The following NCKAP5 variants were observed in gnomAD, a reference collection of about 807,000 sequenced individuals.
NCKAP5 encodes NCK associated protein 5, also known as nck-associated protein 5.
Under a neutral mutation model 167.0 loss-of-function variants are expected in NCKAP5, and 92 were observed. The ratio of observed to expected loss-of-function variants is 0.55; its 90% CI spans 0.47 to 0.66. The LOEUF is 0.66. Among genes scored for constraint, NCKAP5 ranks in the 30% least tolerant of loss-of-function variants. NCKAP5 has a pLI of 0.00. For missense variants in NCKAP5, 2,378 were observed against 2,315.0 expected (o/e 1.03, Z -0.56); for synonymous variants, 891 against 877.4 (o/e 1.02, Z -0.27).
chr2:133,164,049 A>T (rs2083904849), intron 5 of NCKAP5, among the ~76,000 whole-genome samples: 1 of 152,218 alleles, frequency 6.6e-6, no homozygotes, highest in Admixed American at 6.5e-5. Flanking sequence ...AGACAATATA[A>T]AGGAAGTGAG....
At chr2:133,672,748 G>A in the NCKAP5 span, among the ~76,000 whole-genome samples, 4 of 152,158 alleles carry the variant, frequency 2.6e-5, no homozygotes, top group Non-Finnish European at 4.4e-5. Context: ...AAAAACACAT[G>A]GTGGCAGATT....
the NCKAP5 span, among the ~76,000 whole-genome samples, chr2:133,617,727 C>T: frequency 6.6e-6 from 1 of 151,672 alleles, no homozygotes; most frequent in Non-Finnish European, 1.5e-5. Context: ...GGCCATACTG[C>T]CCAAGGTAAT....
At position 133,028,689 on chromosome 2, in the gene NCKAP5, A is replaced by T. The variant is rs530083791; in HGVS notation, c.342-34450T>A. Among the ~76,000 whole-genome samples, 4 of 152,272 alleles carry T rather than the reference A, an allele frequency of 2.6e-5. No individual in the cohort carries two copies. In the South Asian group the frequency reaches 8.3e-4, roughly 32 times the overall value. ...CAAAACCTTTTTAATTTCTTTTTAG[A>T]TTTTGATATAGTTTAGATATGTGTC... On this transcript the variant is annotated intron_variant, in intron 6 of 19. Coordinates refer to ENST00000409261, the MANE Select transcript of NCKAP5 (RefSeq NM_207363.3).
chr2:133,426,848 G>A (rs1360943544), intron 3 of NCKAP5, among the ~76,000 whole-genome samples: 1 of 152,114 alleles, frequency 6.6e-6, no homozygotes, highest in East Asian at 1.9e-4. Context: ...TTTTTTTTCT[G>A]TAAATCTCAA....
chr2:133,660,010 C>A, the NCKAP5 span, among the ~76,000 whole-genome samples: 1 of 152,094 alleles, frequency 6.6e-6, no homozygotes, highest in Admixed American at 6.6e-5. Flanking sequence ...GATAGCACGA[C>A]CAATGGAAGG....
Position 132,785,003 on chromosome 2 carries a change from T to A in NCKAP5, c.1808A>T (p.Asp603Val). 6.2e-7 allele frequency: 1 copy of A among 1,613,974 alleles called. No homozygotes were observed. Among genetic ancestry groups the A allele is most frequent in the African/African-American group, 1.3e-5 (1 of 75,050 alleles). The part of the protein sequence containing the change: ...IESSDEKSPS[D>V]VSLAADTDKS... ...ATCGGTGTCGGCAGCCAATGACACG[T>A]CTGAAGGACTTTTCTCATCACTGCT... Residue 603 changes from aspartate (D) to valine (V), a missense_variant, in exon 14 of 20, where the codon GAC (aspartate) becomes GTC (valine). This residue lies in a region of NCKAP5 where 1,049 missense variants were observed against 1,023.4 expected (regional missense o/e 1.02). Coordinates refer to ENST00000409261, the MANE Select transcript of NCKAP5 (RefSeq NM_207363.3).
chr2:132,847,073 G>A (rs1369145828), intron 11 of NCKAP5, among the ~76,000 whole-genome samples: 2 of 152,050 alleles, frequency 1.3e-5, no homozygotes, highest in African/African-American at 2.4e-5. Flanking sequence ...AGTAGGAAAT[G>A]GGCCATATTT....
intron 11 of NCKAP5, among the ~76,000 whole-genome samples, chr2:132,805,043 T>C (rs1427782954): frequency 6.6e-6 from 1 of 152,130 alleles, no homozygotes; most frequent in Non-Finnish European, 1.5e-5. Flanking sequence ...AAATTAATTA[T>C]GTTGCCTTGG....
At chr2:133,180,923 T>C (rs1184588657) in intron 5 of NCKAP5, among the ~76,000 whole-genome samples, 1 of 151,906 alleles carries the variant, frequency 6.6e-6, no homozygotes, top group Non-Finnish European at 1.5e-5. Flanking sequence ...TTGCAAACTA[T>C]GTATCTAATA....
intron 4 of NCKAP5, among the ~76,000 whole-genome samples, chr2:133,279,195 T>C (rs78431358): frequency 0.016 from 2,402 of 152,354 alleles, 35 homozygotes; most frequent in Non-Finnish European, 0.026. Flanking sequence ...AATACAAAAG[T>C]GCATAGGCAC....
the NCKAP5 span, among the ~76,000 whole-genome samples, chr2:133,612,766 G>A: frequency 6.6e-6 from 1 of 152,172 alleles, no homozygotes; most frequent in African/African-American, 2.4e-5. Flanking sequence ...GGAAGAAATG[G>A]ATCAAATGAA....
intron 19 of NCKAP5, among the ~76,000 whole-genome samples, chr2:132,694,360 C>T (rs943783218): frequency 5.9e-5 from 9 of 152,146 alleles, no homozygotes; most frequent in African/African-American, 1.9e-4. Flanking sequence ...TGGATGCACA[C>T]ATCAGCACGC....
At chr2:133,383,051 G>C (rs1686640175) in intron 3 of NCKAP5, among the ~76,000 whole-genome samples, 1 of 151,862 alleles carries the variant, frequency 6.6e-6, no homozygotes, top group Admixed American at 6.6e-5. Context: ...TGCATTCTAG[G>C]ATTGCTTTTT....
Position 132,808,092 on chromosome 2 carries a change from T to A in NCKAP5, c.808-11363A>T, listed in dbSNP as rs185930494. Among the ~76,000 whole-genome samples, 215 of 152,206 alleles carry A rather than the reference T, an allele frequency of 1.4e-3. 1 individual carries two copies. Among genetic ancestry groups the A allele is most frequent in the African/African-American group, 4.9e-3 (204 of 41,578 alleles). Reference sequence around the variant, plus strand: ...TGTGTAGGTTAAACCATCCCTGCACTCCTGGTATGAAACCCACTTGATCAT... The same window carrying A: ...TGTGTAGGTTAAACCATCCCTGCACACCTGGTATGAAACCCACTTGATCAT... On this transcript the variant is annotated intron_variant, in intron 11 of 19. Coordinates refer to ENST00000409261, the MANE Select transcript of NCKAP5 (RefSeq NM_207363.3).
chr2:132,839,735 G>A (rs1266669317), intron 11 of NCKAP5, among the ~76,000 whole-genome samples: 4 of 134,402 alleles, frequency 3.0e-5, no homozygotes, highest in Admixed American at 2.4e-4. Context: ...TCCAGCCTGC[G>A]TGATGGAGTG....
chr2:133,139,641 A>T (rs1248412478), intron 5 of NCKAP5, among the ~76,000 whole-genome samples: 4 of 152,178 alleles, frequency 2.6e-5, no homozygotes, highest in Non-Finnish European at 5.9e-5. Flanking sequence ...AATGATGTTT[A>T]ATCTAAATCT....
intron 3 of NCKAP5, among the ~76,000 whole-genome samples, chr2:133,354,884 A>AT (rs1257454718): frequency 6.6e-6 from 1 of 152,200 alleles, no homozygotes; most frequent in Non-Finnish European, 1.5e-5. Flanking sequence ...CATTAACTAG[A>AT]TATATTCTGA....
At chr2:133,170,973 C>A (rs968557996) in intron 5 of NCKAP5, among the ~76,000 whole-genome samples, 15 of 152,142 alleles carry the variant, frequency 9.9e-5, no homozygotes, top group African/African-American at 3.6e-4. Flanking sequence ...ATCTAGTATA[C>A]ATACATAGCT....
chr2:132,820,507 C>A (rs915901244), intron 11 of NCKAP5, among the ~76,000 whole-genome samples: 1 of 151,910 alleles, frequency 6.6e-6, no homozygotes, highest in African/African-American at 2.4e-5. Flanking sequence ...GGATTACAGG[C>A]GTGAGCCACC....
Sources: allele counts gnomAD v4.1 joint callset (sites outside exome capture counted in the v4.1 genomes callset), GRCh38; gene constraint gnomAD v4.1.1; regional missense constraint gnomAD v4.1.1; transcripts MANE v1.5; gene names NCBI Gene and HGNC (gene_info 2026-07-23, HGNC 2026-07-21).